The following DNAI1 variants were observed in gnomAD, a reference collection of about 807,000 sequenced individuals.
The protein encoded by DNAI1 is dynein, axonemal, intermediate polypeptide 1.
DNAI1 carries 67 observed loss-of-function variants against 92.0 expected under a neutral mutation model. That is an observed-to-expected ratio of 0.73 (90% CI 0.60 to 0.89). The LOEUF is 0.89. Ranked by LOEUF, DNAI1 falls within the 40% of genes least tolerant of loss-of-function variation. The pLI is 0.00. For missense variants in DNAI1, 839 were observed against 866.6 expected (o/e 0.97, Z 0.40); for synonymous variants, 323 against 319.6 (o/e 1.01, Z -0.11).
chr9:34,483,438 C>T lies in DNAI1; in HGVS notation c.49-10C>T. The T allele has an allele frequency of 6.2e-7, 1 of 1,611,094 alleles. No individual in the cohort carries two copies. The highest frequency in any genetic ancestry group is 8.5e-7 in the Non-Finnish European group (1 of 1,179,430). The stretch of plus-strand genomic sequence containing the variant: ...TATGACTTACCTTCTGTTTTCTGTT[C>T]TTCATTTAGAGCATCAGCATAGGCA... On this transcript the variant is annotated splice_polypyrimidine_tract_variant and intron_variant, in intron 1 of 19. Transcript: ENST00000242317.
chr9:34,500,728 AG>A lies in DNAI1; in HGVS notation c.909del (p.Lys303AsnfsTer56). On this transcript the variant is annotated frameshift_variant, in exon 11 of 20. Transcript: ENST00000242317. LOFTEE classifies it high-confidence loss of function. ...CTGCCTGTGTGTGTTTAAGATTTTA[AG>A]TACTATGACGATGCTGCTGATGAAT... ...NTYDDIAQDFKYYDDAADEYR... is the reference protein window; with the variant it reads ...NTYDDIAQDFXYYDDAADEYR... The A allele has an allele frequency of 6.2e-7, 1 of 1,613,020 alleles. No homozygotes were observed. The highest frequency in any genetic ancestry group is 8.5e-7 in the Non-Finnish European group (1 of 1,179,184).
chr9:34,473,511 C>T (rs1440437825), intron 1 of DNAI1, among the ~76,000 whole-genome samples: 1 of 152,034 alleles, frequency 6.6e-6, no homozygotes, highest in Non-Finnish European at 1.5e-5. Flanking sequence ...AGGCTGATTT[C>T]GAGCTCCTGA....
At chr9:34,494,392 G>T (rs1323432284) in intron 9 of DNAI1, among the ~76,000 whole-genome samples, 1 of 152,248 alleles carries the variant, frequency 6.6e-6, no homozygotes, top group East Asian at 1.9e-4. Context: ...GATCATGGCC[G>T]TGCGGGTACT....
chr9:34,511,317 C>T (rs1248462047), intron 13 of DNAI1, among the ~76,000 whole-genome samples: 2 of 152,164 alleles, frequency 1.3e-5, no homozygotes, highest in Admixed American at 1.3e-4. Context: ...TGCTTCCAGC[C>T]CTGAGAAGAT....
intron 1 of DNAI1, among the ~76,000 whole-genome samples, chr9:34,460,647 T>C (rs997948494): frequency 3.3e-5 from 5 of 152,140 alleles, no homozygotes; most frequent in Non-Finnish European, 7.4e-5. Flanking sequence ...AGTTTGCTTT[T>C]ATTTATTTTT....
intron 1 of DNAI1, among the ~76,000 whole-genome samples, chr9:34,482,898 A>T (rs182207057): frequency 1.3e-5 from 2 of 152,214 alleles, no homozygotes; most frequent in African/African-American, 4.8e-5. Context: ...GCAGGTCCCG[A>T]GCCCTGCCCC....
At chr9:34,469,368 T>A (rs1162835497) in intron 1 of DNAI1, among the ~76,000 whole-genome samples, 1 of 147,490 alleles carries the variant, frequency 6.8e-6, no homozygotes, top group Non-Finnish European at 1.5e-5. Flanking sequence ...TGGGCTCAAG[T>A]GATCCTCCTG....
At chr9:34,459,438 C>CTT (rs1309036363) in intron 1 of DNAI1, among the ~76,000 whole-genome samples, 3 of 147,838 alleles carry the variant, frequency 2.0e-5, no homozygotes, top group African/African-American at 2.5e-5. Context: ...TTTTCTTTTT[C>CTT]TTTCTTTCTT....
intron 1 of DNAI1, among the ~76,000 whole-genome samples, chr9:34,481,696 C>T (rs367623377): frequency 1.2e-4 from 18 of 152,266 alleles, no homozygotes; most frequent in East Asian, 5.8e-4. Context: ...CAGACCTTCA[C>T]GGTGAGTGTT....
chr9:34,519,463 G>A (rs1825225799), intron 19 of DNAI1, among the ~76,000 whole-genome samples: 2 of 152,170 alleles, frequency 1.3e-5, no homozygotes, highest in South Asian at 4.1e-4. Context: ...AAGCCAAGAA[G>A]AGAACCCAAG....
Position 34,506,855 on chromosome 9 carries a change from A to G in DNAI1, c.1292A>G (p.His431Arg). The change falls in exon 13 of 20, where the codon CAC (histidine) becomes CGC (arginine). Residue 431 changes from histidine to arginine, a missense_variant. By Grantham distance (29) the His-to-Arg change is conservative. Transcript: ENST00000242317. Reference sequence around the variant, plus strand: ...TGCAGCTCAGCCAAGTCTGGCAAGCACTCAGACCCTGTGTGGCAGGTCAGC... The same window carrying G: ...TGCAGCTCAGCCAAGTCTGGCAAGCGCTCAGACCCTGTGTGGCAGGTCAGC... ...SFCSSAKSGK[H>R]SDPVWQVKWQ... 1 of 1,614,040 alleles carries G rather than the reference A, an allele frequency of 6.2e-7. No homozygotes were observed. The highest frequency in any genetic ancestry group is 8.5e-7 in the Non-Finnish European group (1 of 1,180,006).
intron 1 of DNAI1, among the ~76,000 whole-genome samples, chr9:34,466,498 G>C (rs10738928): frequency 0.38 from 57,272 of 151,938 alleles, 11,690 homozygotes; most frequent in African/African-American, 0.53. Context: ...GAATGCCCAA[G>C]TCTTCTCTTC....
rs1009146276 is a variant in DNAI1 at position 34,483,327 on chromosome 9, C to G, written c.49-121C>G. Reference sequence around the variant, plus strand: ...GCGAGGGCTCTGAGGACTGCCAGCACGCTGTCACCTCTCACTTTGACTGTG... The same window carrying G: ...GCGAGGGCTCTGAGGACTGCCAGCAGGCTGTCACCTCTCACTTTGACTGTG... On this transcript the variant is annotated intron_variant, in intron 1 of 19. Transcript: ENST00000242317. 5 of 952,618 alleles carry G rather than the reference C, an allele frequency of 5.2e-6. No homozygotes were observed. The Admixed American group carries it at 6.0e-5, about 11-fold the overall frequency. 59.0% of individuals were successfully genotyped at this position (952,618 alleles called of 1,614,324 possible). A position where few individuals can be genotyped will look rare whatever the true frequency, so the allele number is the denominator to read the frequency against.
intron 12 of DNAI1, among the ~76,000 whole-genome samples, chr9:34,505,554 T>A (rs1290534335): frequency 3.9e-5 from 6 of 152,240 alleles, no homozygotes; most frequent in Admixed American, 3.3e-4. Context: ...GGGGGCCTTA[T>A]TCTGCCTACC....
intron 1 of DNAI1, among the ~76,000 whole-genome samples, chr9:34,461,677 G>A (rs578137349): frequency 6.6e-6 from 1 of 152,342 alleles, no homozygotes; most frequent in South Asian, 2.1e-4. Flanking sequence ...CATCAGCACT[G>A]CCCCATGGAG....
At chr9:34,502,537 T>C (rs1441561019) in intron 12 of DNAI1, among the ~76,000 whole-genome samples, 1 of 152,054 alleles carries the variant, frequency 6.6e-6, no homozygotes, top group Admixed American at 6.5e-5. Flanking sequence ...AGCGCTATTC[T>C]CCCCGCACCC....
intron 10 of DNAI1, among the ~76,000 whole-genome samples, chr9:34,498,803 G>C (rs556387581): frequency 4.6e-5 from 7 of 152,282 alleles, no homozygotes; most frequent in African/African-American, 1.2e-4. Context: ...ACAGAAACCA[G>C]GGCTGCCAAA....
rs1157328886 is a variant in DNAI1 at position 34,458,949 on chromosome 9, G to C, written c.-57G>C. The C allele has an allele frequency of 1.3e-6, 2 of 1,538,686 alleles. No homozygotes were observed. Among genetic ancestry groups the C allele is most frequent in the Non-Finnish European group, 1.8e-6 (2 of 1,111,854 alleles). On this transcript the variant is annotated 5_prime_UTR_variant, in exon 1 of 20. Transcript: ENST00000242317. The surrounding 1 kb of genome is among the most constrained non-coding windows in gnomAD (Gnocchi z 6.6). ...ATTTCTTGTGTGTGGTCAAGGAGAC[G>C]GACAAACTTTTTGTCTTCAGACGAG...
At chr9:34,500,897 C>T (rs1367599143) in intron 11 of DNAI1, 58 bp downstream of exon 11, 3 of 1,321,254 alleles carry the variant, frequency 2.3e-6, no homozygotes, top group Non-Finnish European at 3.3e-6. Flanking sequence ...CATCCCAAAC[C>T]CCCAGTACCC....
Sources: gnomAD v4.1 joint callset for allele counts (sites outside exome capture counted in the v4.1 genomes callset) on GRCh38, gnomAD v4.1.1 for gene constraint, Gnocchi (gnomAD v3.1) non-coding constraint, MANE v1.5 for transcripts, NCBI Gene and HGNC (gene_info 2026-07-23, HGNC 2026-07-21) for gene names.